The following MYH7B variants were observed in gnomAD, a reference collection of about 807,000 sequenced individuals.
MYH7B encodes myosin-7B.
Under a neutral mutation model 234.5 loss-of-function variants are expected in MYH7B, and 205 were observed. The observed-to-expected ratio is 0.87, with a 90% CI of 0.78 to 0.98. MYH7B has a LOEUF of 0.98. Ranked by LOEUF, MYH7B falls within the 50% of genes least tolerant of loss-of-function variation. The pLI is 0.00. For synonymous variants in MYH7B, 1,193 were observed against 1,105.0 expected (o/e 1.08, Z -1.58); for missense variants, 2,652 against 2,633.4 (o/e 1.01, Z -0.15).
intron 6 of MYH7B, 56 bp from the exon 7 acceptor site, chr20:34,979,605 G>T: frequency 3.4e-5 from 54 of 1,610,540 alleles, no homozygotes; most frequent in Non-Finnish European, 4.5e-5. Context: ...GGGGTGACAG[G>T]TGAGGTCGGT....
At chr20:34,986,696 C>G (rs886115239) in intron 14 of MYH7B, among the ~76,000 whole-genome samples, 190 bp from the exon 15 acceptor site, 2 of 152,196 alleles carry the variant, frequency 1.3e-5, no homozygotes, top group Non-Finnish European at 2.9e-5. Context: ...GCCCTTCACT[C>G]TCAGTGCCCT....
At chr20:34,987,107 A>G (rs1436507425) in intron 15 of MYH7B, 42 bp from the exon 16 acceptor site, 1 of 1,605,982 alleles carries the variant, frequency 6.2e-7, no homozygotes, top group East Asian at 2.2e-5. Flanking sequence ...ACCCTGGAGG[A>G]GCCCAGACCT....
chr20:34,967,609 T>G (rs2081755087), intron 2 of MYH7B, among the ~76,000 whole-genome samples: 1 of 152,100 alleles, frequency 6.6e-6, no homozygotes, highest in Non-Finnish European at 1.5e-5. Context: ...GACATTCTCC[T>G]GCTCCCCACT....
chr20:34,988,806 CTTTTTT>C (rs36001113), intron 19 of MYH7B, among the ~76,000 whole-genome samples: 5 of 113,222 alleles, frequency 4.4e-5, no homozygotes, highest in Admixed American at 9.9e-5. Flanking sequence ...TCCTTTATCC[CTTTTTT>C]TTTTTTTTTT....
At chr20:34,999,896 G>T in exon 38 of MYH7B, 5 of 1,613,410 alleles carry the variant, frequency 3.1e-6, no homozygotes, top group Non-Finnish European at 4.2e-6. Context: ...CGAGGAGTGC[G>T]CTAACCTGAG....
intron 2 of MYH7B, among the ~76,000 whole-genome samples, chr20:34,969,774 A>G (rs2081775986): frequency 6.6e-6 from 1 of 151,430 alleles, no homozygotes; most frequent in Admixed American, 6.6e-5. Context: ...TAAACTCCTG[A>G]CCTCAGGGGA....
rs746101675 is a variant in MYH7B at position 34,991,120 on chromosome 20, C to T, written c.2182C>T (p.Arg728Trp). ...GTTGCTCTACACCGACTTCCGGCAGCGGTGGGTGACCCCTTCCCCCTGCCT... is the reference window on the plus strand; with the variant it reads ...GTTGCTCTACACCGACTTCCGGCAGTGGTGGGTGACCCCTTCCCCCTGCCT... The change falls in exon 24 of 45, where the codon CGG becomes TGG. Residue 728 changes from arginine to tryptophan, a missense_variant and splice_region_variant. Physicochemically the swap from Arg to Trp is moderately radical, Grantham distance 101. Around this residue, in one of 3 missense-constraint regions of MYH7B, gnomAD observed 2,279 missense variants for 2,211.4 expected, o/e 1.03. Coordinates refer to ENST00000262873, the Ensembl canonical transcript of MYH7B. 20 of 1,600,124 alleles carry T rather than the reference C, an allele frequency of 1.2e-5. No individual in the cohort carries two copies. The highest frequency in any genetic ancestry group is 2.2e-5 in the South Asian group (2 of 89,220).
chr20:34,965,131 AC>A (rs1259351096), intron 2 of MYH7B, among the ~76,000 whole-genome samples: 2 of 151,982 alleles, frequency 1.3e-5, no homozygotes, highest in African/African-American at 4.8e-5. Context: ...GCCTCAAGTG[AC>A]CCTCTTGCCT....
At chr20:34,997,640 G>C in exon 32 of MYH7B, 1 of 1,613,182 alleles carries the variant, frequency 6.2e-7, no homozygotes, top group Non-Finnish European at 8.5e-7. Context: ...CCCGCGCCAA[G>C]GTGTCCGTGC....
At chr20:35,000,011 G>A (rs1272365032) in intron 38 of MYH7B, 105 bp downstream of exon 38, 15 of 1,136,888 alleles carry the variant, frequency 1.3e-5, no homozygotes, top group Admixed American at 8.1e-5. Context: ...TTTGAGGTCC[G>A]GGTTGCTGTC....
intron 2 of MYH7B, among the ~76,000 whole-genome samples, chr20:34,964,506 T>C (rs1211172840): frequency 4.6e-5 from 7 of 152,160 alleles, no homozygotes. Context: ...AGAGGACGGT[T>C]GTCACCTTGA....
At chr20:34,960,986 G>A (rs2081691916) in intron 2 of MYH7B, among the ~76,000 whole-genome samples, 1 of 152,108 alleles carries the variant, frequency 6.6e-6, no homozygotes, top group Admixed American at 6.5e-5. Context: ...ATGGCACGAG[G>A]GCCAACTCTA....
Position 35,001,989 on chromosome 20 carries a change from C to T in MYH7B, c.5718C>T (p.Ala1906=). 1 of 1,613,980 alleles carries T rather than the reference C, an allele frequency of 6.2e-7. No individual in the cohort carries two copies. The highest frequency in any genetic ancestry group is 2.2e-5 in the East Asian group (1 of 44,878). The change falls in exon 44 of 45, where the codon GCC becomes GCT. Residue 1906 remains alanine (A), a synonymous_variant. Transcript: ENST00000262873. ...CCAACCTGGCCAAGTATCGCAAGGCCCAGCACGAGCTGGATGATGCGGAGG... is the reference window on the plus strand; with the variant it reads ...CCAACCTGGCCAAGTATCGCAAGGCTCAGCACGAGCTGGATGATGCGGAGG...
intron 13 of MYH7B, 59 bp from the exon 14 acceptor site, chr20:34,986,041 T>C: frequency 6.9e-7 from 1 of 1,439,320 alleles, no homozygotes; most frequent in East Asian, 2.5e-5. Context: ...CATCGCCCCC[T>C]TGGGATGTCC....
intron 14 of MYH7B, 68 bp downstream of exon 14, chr20:34,986,266 C>G: frequency 7.9e-7 from 1 of 1,264,434 alleles, no homozygotes; most frequent in Non-Finnish European, 1.1e-6. Context: ...CTTCCTGGCC[C>G]CCATCAGGCC....
chr20:35,000,467 G>A (rs1236265940), exon 39 of MYH7B: 6 of 1,601,936 alleles, frequency 3.7e-6, no homozygotes, highest in Non-Finnish European at 5.1e-6. Context: ...CCACGCGGCT[G>A]ATGCAGGCAC....
exon 32 of MYH7B, chr20:34,997,580 T>C (rs547616328): frequency 5.0e-6 from 8 of 1,612,722 alleles, no homozygotes; most frequent in South Asian, 2.2e-5. Context: ...AGGAGAAGAG[T>C]GAGCTGCGCA....
rs751625244 is a variant in MYH7B, at chr20:34,990,990, CCT to C, written c.2066-10_2066-9del. 2 of 1,604,714 alleles carry C rather than the reference CCT, an allele frequency of 1.2e-6. No homozygotes were observed. Among genetic ancestry groups the C allele is most frequent in the Non-Finnish European group, 1.7e-6 (2 of 1,173,580 alleles). On this transcript the variant is annotated splice_polypyrimidine_tract_variant and intron_variant, in intron 23 of 44. Transcript: ENST00000262873. The stretch of plus-strand genomic sequence containing the variant: ...TGCCTGTTGACCTCTGACCTTTTCC[CCT>C]CTCACGTCCAGGGGTCATGGATGCC...
In MYH7B at chr20:34,979,525, C is replaced by T. The variant is rs1380709334; in HGVS notation, c.198+29C>T. 4.4e-6 allele frequency: 7 copies of T among 1,601,004 alleles called. No homozygotes were observed. The South Asian group carries it at 6.7e-5, about 15-fold the overall frequency. ...CCGTTCCCCCTTTCCTGAGATTAGCCTCTCTGTCCCTAGGCCTCCTGGCCA... is the reference window on the plus strand; with the variant it reads ...CCGTTCCCCCTTTCCTGAGATTAGCTTCTCTGTCCCTAGGCCTCCTGGCCA... On this transcript the variant is annotated intron_variant, in intron 6 of 44. Coordinates refer to ENST00000262873, the Ensembl canonical transcript of MYH7B.
Sources: allele counts gnomAD v4.1 joint callset (sites outside exome capture counted in the v4.1 genomes callset), GRCh38; gene constraint gnomAD v4.1.1; regional missense constraint gnomAD v4.1.1; transcripts MANE v1.5; gene names NCBI Gene and HGNC (gene_info 2026-07-23, HGNC 2026-07-21).